LSG1: variants seen among roughly 807,000 people sequenced by gnomAD.
LSG1 encodes large subunit GTPase 1 homolog.
A neutral mutation model predicts 82.6 loss-of-function variants in LSG1; 55 were observed. That is an observed-to-expected ratio of 0.67 (90% CI 0.54 to 0.83). The LOEUF (loss-of-function observed/expected upper bound fraction) is 0.83, where lower values mean the gene tolerates loss of function less well. Ranked by LOEUF, LSG1 falls within the 40% of genes least tolerant of loss-of-function variation. The pLI, the probability that LSG1 is intolerant of heterozygous loss-of-function variation, is 0.00. For missense variants in LSG1, 809 were observed against 807.9 expected (o/e 1.00, Z -0.02); for synonymous variants, 272 against 282.5 (o/e 0.96, Z 0.37).
intron 2 of LSG1, among the ~76,000 whole-genome samples, chr3:194,669,521 A>G (rs1175381301): frequency 6.6e-6 from 1 of 152,188 alleles, no homozygotes; most frequent in African/African-American, 2.4e-5. Flanking sequence ...GCACCAGCAA[A>G]GCCAAACTTC....
chr3:194,642,806 T>C (rs1171494443), intron 13 of LSG1, among the ~76,000 whole-genome samples: 1 of 152,236 alleles, frequency 6.6e-6, no homozygotes, highest in East Asian at 1.9e-4. Flanking sequence ...ACTTGCAATC[T>C]TTTTGCATGT....
intron 5 of LSG1, among the ~76,000 whole-genome samples, chr3:194,661,968 A>T (rs988386948): frequency 6.6e-6 from 1 of 152,210 alleles, no homozygotes; most frequent in African/African-American, 2.4e-5. Flanking sequence ...CTGAACACAG[A>T]TGGTTACCTC....
rs1719013113 is a variant in LSG1, at chr3:194,665,508, A to G, written c.521+49T>C. On this transcript the variant is annotated intron_variant, in intron 5 of 13. Transcript: ENST00000265245. ...GCCTATATCAACAGCCAAATCGAAT[A>G]TAACTTCACTACAATGTCTTTATTA... 5.7e-6 allele frequency: 8 copies of G among 1,393,778 alleles called. No individual in the cohort carries two copies. The Admixed American group carries it at 1.3e-4, about 22-fold the overall frequency. 86.3% of individuals were successfully genotyped at this position (1,393,778 alleles called of 1,614,324 possible). A position where few individuals can be genotyped will look rare whatever the true frequency, so the allele number is the denominator to read the frequency against.
At chr3:194,650,297 A>G (rs1028381139) in intron 10 of LSG1, among the ~76,000 whole-genome samples, 9 of 152,180 alleles carry the variant, frequency 5.9e-5, no homozygotes, top group Non-Finnish European at 1.2e-4. Context: ...ATGTAAGTTA[A>G]TTCATTATGC....
intron 1 of LSG1, 107 bp downstream of exon 1, chr3:194,671,957 C>G (rs1719146383): frequency 9.8e-7 from 1 of 1,017,620 alleles, no homozygotes. Context: ...TCCTTCAAAA[C>G]CCGGCTGAGG....
At chr3:194,646,966 C>G (rs764576353) in intron 11 of LSG1, among the ~76,000 whole-genome samples, 15 of 152,226 alleles carry the variant, frequency 9.9e-5, no homozygotes, top group Non-Finnish European at 1.8e-4. Context: ...CCCTTTAATA[C>G]TAACTCAATT....
intron 10 of LSG1, among the ~76,000 whole-genome samples, chr3:194,650,318 T>C (rs1442392091): frequency 6.6e-6 from 1 of 152,168 alleles, no homozygotes; most frequent in African/African-American, 2.4e-5. Flanking sequence ...TGCTGAGAGG[T>C]AGCAGAGTTC....
At chr3:194,652,706 T>C (rs968899241) in intron 8 of LSG1, 23 bp downstream of exon 8, 3 of 1,597,762 alleles carry the variant, frequency 1.9e-6, no homozygotes, top group Non-Finnish European at 2.6e-6. Context: ...GTGGTAACAA[T>C]GTTATGACAT....
At chr3:194,647,504 A>C (rs1329998391) in intron 11 of LSG1, among the ~76,000 whole-genome samples, 1 of 152,238 alleles carries the variant, frequency 6.6e-6, no homozygotes, top group Non-Finnish European at 1.5e-5. Flanking sequence ...TTGAAAATTT[A>C]CTGTCAGAGA....
At chr3:194,646,128 G>T (rs1035329828) in intron 12 of LSG1, 36 bp downstream of exon 12, 1 of 1,587,940 alleles carries the variant, frequency 6.3e-7, no homozygotes, top group African/African-American at 1.3e-5. Flanking sequence ...GAAAAGACTT[G>T]TGTATTGGAG....
intron 7 of LSG1, among the ~76,000 whole-genome samples, chr3:194,656,856 G>C (rs532884239): frequency 0.056 from 8,456 of 152,178 alleles, 251 homozygotes; most frequent in Middle Eastern, 0.1. Context: ...TAGGGACGTG[G>C]ATGAAGCTGG....
At position 194,641,793 on chromosome 3, in the gene LSG1, T is replaced by C. The variant is rs560404004; in HGVS notation, c.*275A>G. 40 of 271,594 alleles carry C rather than the reference T, an allele frequency of 1.5e-4. No homozygotes were observed. The highest frequency in any genetic ancestry group is 8.4e-4 in the African/African-American group (38 of 45,214). The allele number at this position is 271,594 out of a possible 1,614,324, so 16.8% of individuals were successfully genotyped here. ...CACGCCTGGCTAATTTTTTTGTATT[T>C]TTAGTAGAGACGGGGTTTCTCCATG... On this transcript the variant is annotated 3_prime_UTR_variant, in exon 14 of 14. Transcript: ENST00000265245.
At chr3:194,652,669 T>C in intron 8 of LSG1, 60 bp downstream of exon 8, 2 of 1,549,782 alleles carry the variant, frequency 1.3e-6, no homozygotes, top group Non-Finnish European at 1.7e-6. Flanking sequence ...GTGCAGCTAC[T>C]GAAAAATGGG....
At chr3:194,660,264 T>C (rs1415206913) in intron 5 of LSG1, 131 bp from the exon 6 acceptor site, 4 of 727,286 alleles carry the variant, frequency 5.5e-6, no homozygotes, top group African/African-American at 5.3e-5. Context: ...TTTTAAGGTA[T>C]AATTATTCCC....
At chr3:194,651,059 C>T (rs1311138167) in intron 9 of LSG1, 35 bp from the exon 10 acceptor site, 1 of 1,613,908 alleles carries the variant, frequency 6.2e-7, no homozygotes, top group African/African-American at 1.3e-5. Flanking sequence ...GCTGGGTATA[C>T]AACAGATAAA....
chr3:194,648,301 G>A (rs146624807), intron 11 of LSG1, among the ~76,000 whole-genome samples: 55 of 152,130 alleles, frequency 3.6e-4, no homozygotes, highest in African/African-American at 1.2e-3. Flanking sequence ...CTCTGTCCCC[G>A]TCTCTGAGGG....
At chr3:194,666,594 C>G (rs1431066281) in intron 2 of LSG1, 22 bp from the exon 3 acceptor site, 1 of 1,601,054 alleles carries the variant, frequency 6.2e-7, no homozygotes. Flanking sequence ...AAGAAAAGTA[C>G]TATTACTTAA....
At position 194,642,213 on chromosome 3, in the gene LSG1, G is replaced by T. The variant is rs1251148314; in HGVS notation, c.1832C>A (p.Ala611Asp). 1 of 1,613,912 alleles carries T rather than the reference G, an allele frequency of 6.2e-7. No homozygotes were observed. Among genetic ancestry groups the T allele is most frequent in the Non-Finnish European group, 8.5e-7 (1 of 1,180,016 alleles). Reference sequence around the variant, plus strand: ...ACTCCCGGGCTTGTAACCCATCACAGCCTGGACTCCTTTGGTCAAAGCCCT... The same window carrying T: ...ACTCCCGGGCTTGTAACCCATCACATCCTGGACTCCTTTGGTCAAAGCCCT... ...NVRALTKGVQ[A>D]VMGYKPGSGV... Residue 611 changes from alanine to aspartate, a missense_variant, in exon 14 of 14, where the codon GCT (alanine) becomes GAT (aspartate). By Grantham distance (126) the Ala-to-Asp change is moderately radical (BLOSUM62 -2). Transcript: ENST00000265245.
rs758529338 is a variant in LSG1, at chr3:194,672,052, G to A, written c.99+12C>T. 1.9e-5 allele frequency: 30 copies of A among 1,607,208 alleles called. No homozygotes were observed. Among genetic ancestry groups the A allele is most frequent in the Non-Finnish European group, 2.4e-5 (28 of 1,175,344 alleles). The stretch of plus-strand genomic sequence containing the variant: ...ACAGAAAAGATAAGAAAGATGACAT[G>A]GTCTGTCTTACCCAGGAGTCAGTGT... On this transcript the variant is annotated intron_variant, in intron 1 of 13. Transcript: ENST00000265245.
Sources: gnomAD v4.1 joint callset for allele counts (sites outside exome capture counted in the v4.1 genomes callset) on GRCh38, gnomAD v4.1.1 for gene constraint, MANE v1.5 for transcripts, NCBI Gene and HGNC (gene_info 2026-07-23, HGNC 2026-07-21) for gene names.